Variants in PRKG1 observed in about 807,000 individuals in gnomAD.
PRKG1 encodes the protein cGMP-dependent protein kinase 1.
In PRKG1, 35 loss-of-function variants were observed where a neutral mutation model predicts 88.1. The observed-to-expected ratio is 0.40, with a 90% CI of 0.30 to 0.53. The LOEUF is 0.53. Ranked by LOEUF, PRKG1 falls within the 20% of genes least tolerant of loss-of-function variation. The pLI is 0.59. For synonymous variants in PRKG1, 303 were observed against 292.5 expected (o/e 1.04, Z -0.37); for missense variants, 540 against 839.8 (o/e 0.64, Z 4.41).
At chr10:51,632,309 T>A (rs991943830) in intron 3 of PRKG1, among the ~76,000 whole-genome samples, 2 of 152,134 alleles carry the variant, frequency 1.3e-5, no homozygotes, top group Non-Finnish European at 2.9e-5. Context: ...GTACAGGTTG[T>A]TTTGGGGATG....
rs1195221634 is a variant in PRKG1 at position 51,517,018 on chromosome 10, G to A, written c.592+49182G>A. Among the ~76,000 whole-genome samples the A allele has an allele frequency of 2.0e-5, 3 of 152,094 alleles. No homozygotes were observed. The East Asian group carries it at 5.8e-4, about 29-fold the overall frequency. On this transcript the variant is annotated intron_variant, in intron 3 of 17. Coordinates refer to ENST00000373980, the MANE Select transcript of PRKG1 (RefSeq NM_006258.4). The stretch of plus-strand genomic sequence containing the variant: ...GAGGAGAGATTGTATAAATTGTAAG[G>A]TGGAAAAAAATACTGTTTTTTTCTA...
chr10:51,157,504 A>G (rs1243297623), intron 2 of PRKG1, among the ~76,000 whole-genome samples: 1 of 151,866 alleles, frequency 6.6e-6, no homozygotes, highest in Non-Finnish European at 1.5e-5. Context: ...CTCCTTTTTT[A>G]TTATACAGAT....
intron 7 of PRKG1, among the ~76,000 whole-genome samples, chr10:52,064,792 G>T (rs1846318658): frequency 6.6e-6 from 1 of 152,170 alleles, no homozygotes; most frequent in African/African-American, 2.4e-5. Flanking sequence ...GGCTCCATGG[G>T]TGTGCAGACC....
At chr10:51,711,101 A>G (rs992030457) in intron 3 of PRKG1, among the ~76,000 whole-genome samples, 22 of 152,156 alleles carry the variant, frequency 1.4e-4, no homozygotes, top group African/African-American at 5.3e-4. Context: ...TTGCTTCCTA[A>G]GCTGACCTTT....
intron 1 of PRKG1, among the ~76,000 whole-genome samples, chr10:51,069,451 A>G (rs1843795223): frequency 6.6e-6 from 1 of 152,072 alleles, no homozygotes; most frequent in African/African-American, 2.4e-5. Context: ...ACAGGGAATC[A>G]ATGTAAGTTC....
rs554342358 is a variant in PRKG1, at chr10:51,881,396, G to A, written c.699-26111G>A. Among the ~76,000 whole-genome samples, 9 of 152,328 alleles carry A rather than the reference G, an allele frequency of 5.9e-5. 1 individual carries two copies. Among genetic ancestry groups the A allele is most frequent in the South Asian group, 4.1e-4 (2 of 4,822 alleles). ...CACATGTCAGCTGGGTCACTAAGCT[G>A]CATTCAGCTGTGAGCTCAGCTGGGG... is the stretch of plus-strand genomic sequence containing the variant. On this transcript the variant is annotated intron_variant, in intron 4 of 17. Coordinates refer to ENST00000373980, the MANE Select transcript of PRKG1 (RefSeq NM_006258.4).
intron 2 of PRKG1, among the ~76,000 whole-genome samples, chr10:51,343,435 G>T (rs1340200037): frequency 6.6e-6 from 1 of 152,024 alleles, no homozygotes. Context: ...AGTTTTGACT[G>T]CCCAATGTAT....
chr10:51,151,964 G>C (rs549536801), intron 1 of PRKG1, among the ~76,000 whole-genome samples: 127 of 152,062 alleles, frequency 8.4e-4, no homozygotes, highest in African/African-American at 3.0e-3. Flanking sequence ...AGGTCAGCTT[G>C]TATTTAATTT....
At chr10:52,036,016 G>T (rs1467363357) in intron 5 of PRKG1, among the ~76,000 whole-genome samples, 4 of 152,202 alleles carry the variant, frequency 2.6e-5, no homozygotes, top group Non-Finnish European at 1.5e-5. Context: ...TGAGAGATTA[G>T]TCGGACATGA....
At chr10:51,352,736 G>C (rs73335663) in intron 2 of PRKG1, among the ~76,000 whole-genome samples, 2 of 151,718 alleles carry the variant, frequency 1.3e-5, no homozygotes, top group African/African-American at 4.8e-5. Flanking sequence ...TACTAATGCC[G>C]TCCTTCATAG....
At chr10:51,064,569 T>A (rs1843727627) in intron 1 of PRKG1, among the ~76,000 whole-genome samples, 2 of 152,022 alleles carry the variant, frequency 1.3e-5, no homozygotes. Flanking sequence ...AGGAACGGCT[T>A]GTCTTTAGGT....
intron 1 of PRKG1, among the ~76,000 whole-genome samples, chr10:51,109,030 A>G (rs1844916789): frequency 6.6e-6 from 1 of 152,148 alleles, no homozygotes; most frequent in Non-Finnish European, 1.5e-5. Context: ...AAGTGTGACA[A>G]AAGTTGTAAA....
At chr10:52,037,403 G>A (rs1276492493) in intron 5 of PRKG1, among the ~76,000 whole-genome samples, 2 of 152,212 alleles carry the variant, frequency 1.3e-5, no homozygotes, top group African/African-American at 2.4e-5. Context: ...CTGTTGTGGG[G>A]TTTGAGGGCC....
intron 2 of PRKG1, among the ~76,000 whole-genome samples, chr10:51,290,384 GC>G (rs1258316865): frequency 3.3e-5 from 5 of 152,260 alleles, no homozygotes; most frequent in South Asian, 4.1e-4. Context: ...AAGCTAATCA[GC>G]CTAGGAGGCA....
intron 3 of PRKG1, among the ~76,000 whole-genome samples, chr10:51,620,343 T>C (rs1839173196): frequency 6.6e-6 from 1 of 152,098 alleles, no homozygotes; most frequent in South Asian, 2.1e-4. Flanking sequence ...ATTTATAAGT[T>C]CTGTGGTCAT....
chr10:51,645,246 A>T (rs554262232), intron 3 of PRKG1, among the ~76,000 whole-genome samples: 1 of 152,318 alleles, frequency 6.6e-6, no homozygotes, highest in African/African-American at 2.4e-5. Context: ...TTTACTTGTA[A>T]GACTTGCTTG....
chr10:51,803,627 GTCTT>G (rs1327982840), intron 3 of PRKG1, among the ~76,000 whole-genome samples: 3 of 152,082 alleles, frequency 2.0e-5, no homozygotes, highest in African/African-American at 7.2e-5. Flanking sequence ...GCGCTCTTCT[GTCTT>G]TCTATGTTTG....
In PRKG1 at chr10:51,308,864, A is replaced by G. The variant is rs1030188816; in HGVS notation, c.478+155534A>G. On this transcript the variant is annotated intron_variant, in intron 2 of 17. Coordinates refer to ENST00000373980, the MANE Select transcript of PRKG1 (RefSeq NM_006258.4). Reference sequence around the variant, plus strand: ...GTCTTCTGAGGAGGTGGTATTATCAAATTTTGGCAAGGAGCTGAGACCTTT... The same window carrying G: ...GTCTTCTGAGGAGGTGGTATTATCAGATTTTGGCAAGGAGCTGAGACCTTT... Among the ~76,000 whole-genome samples, 3 of 152,108 alleles carry G rather than the reference A, an allele frequency of 2.0e-5. No individual in the cohort carries two copies. The East Asian group carries it at 5.8e-4, about 29-fold the overall frequency.
At chr10:52,209,476 A>C (rs143607992) in intron 9 of PRKG1, among the ~76,000 whole-genome samples, 1 of 152,326 alleles carries the variant, frequency 6.6e-6, no homozygotes, top group Admixed American at 6.5e-5. Context: ...TTTCAAAAGA[A>C]TATTGTATTC....
Sources: allele counts gnomAD v4.1 joint callset (sites outside exome capture counted in the v4.1 genomes callset), GRCh38; gene constraint gnomAD v4.1.1; transcripts MANE v1.5; gene names NCBI Gene and HGNC (gene_info 2026-07-23, HGNC 2026-07-21).